Variants in SCN10A observed in about 807,000 individuals in gnomAD.
SCN10A encodes the protein sodium channel protein type 10 subunit alpha.
SCN10A carries 162 observed loss-of-function variants against 170.7 expected under a neutral mutation model. The observed-to-expected ratio is 0.95, with a 90% CI of 0.84 to 1.08. The LOEUF (loss-of-function observed/expected upper bound fraction) is 1.08. Ranked by LOEUF, SCN10A falls within the 50% of genes least tolerant of loss-of-function variation. SCN10A has a pLI of 0.00. For synonymous variants in SCN10A, 985 were observed against 904.6 expected, an observed-to-expected ratio of 1.09 and a Z score of -1.59; for missense variants, 2,527 against 2,436.9, an observed-to-expected ratio of 1.04 and a Z score of -0.78.
At chr3:38,815,262 T>A (rs1021343652) in intron 1 of SCN10A, among the ~76,000 whole-genome samples, 3 of 150,006 alleles carry the variant, frequency 2.0e-5, no homozygotes, top group African/African-American at 7.3e-5. Flanking sequence ...GGCTGAATAA[T>A]ACCCTTGGAT....
At position 38,793,896 on chromosome 3, in the gene SCN10A, C is replaced by T. The variant is rs570161889; in HGVS notation, c.115G>A (p.Glu39Lys). 1.5e-5 allele frequency: 24 copies of T among 1,614,102 alleles called. No individual in the cohort carries two copies. The highest frequency in any genetic ancestry group is 1.3e-4 in the South Asian group (12 of 91,080). Residue 39 changes from glutamate to lysine, a missense_variant, in exon 2 of 28, where the codon GAG becomes AAG. Coordinates refer to ENST00000449082, the MANE Select transcript of SCN10A (RefSeq NM_006514.4). ...AAKQGTKKAR[E>K]KHREQKDQEE... ...TGGTCCTTCTGCTCCCTATGCTTCT[C>T]TCTGGCTTTCTTTGTTCCCTGCTTG...
Position 38,697,775 on chromosome 3 carries a change from G to T in SCN10A, c.5445C>A (p.Ser1815=). 2 of 1,614,082 alleles carry T rather than the reference G, an allele frequency of 1.2e-6. No individual in the cohort carries two copies. Among genetic ancestry groups the T allele is most frequent in the Non-Finnish European group, 1.7e-6 (2 of 1,180,002 alleles). ...FAFTKNVLGE[S]GELDSLKANM... ...TTGCCTTCAGAGAATCCAACTCCCC[G>T]GATTCTCCTAGGACATTCTTGGTGA... The change falls in exon 28 of 28, where the codon TCC becomes TCA. Residue 1815 remains serine, a synonymous_variant. Transcript: ENST00000449082.
chr3:38,754,678 C>T (rs757647835), intron 11 of SCN10A, among the ~76,000 whole-genome samples: 1 of 152,148 alleles, frequency 6.6e-6, no homozygotes. Flanking sequence ...GAGGAGGGCA[C>T]AGATGCAGAT....
chr3:38,717,102 A>G lies in SCN10A; in HGVS notation c.3681+1551T>C, dbSNP rs190781749. On this transcript the variant is annotated intron_variant, in intron 21 of 27. Transcript: ENST00000449082. Reference sequence around the variant, plus strand: ...AGAATGAATCAAAAGATAGAAAGATATAAGGGTTAAGGATGATGAATAGAT... The same window carrying G: ...AGAATGAATCAAAAGATAGAAAGATGTAAGGGTTAAGGATGATGAATAGAT... 1.1e-4 allele frequency among the ~76,000 whole-genome samples: 17 copies of G among 152,336 alleles called. No individual in the cohort carries two copies. The East Asian group carries it at 1.3e-3, about 12-fold the overall frequency.
At chr3:38,747,586 T>G (rs925182529) in intron 13 of SCN10A, among the ~76,000 whole-genome samples, 2 of 152,178 alleles carry the variant, frequency 1.3e-5, no homozygotes, top group African/African-American at 2.4e-5. Flanking sequence ...AAGGTCACAC[T>G]GTGTACCATA....
intron 4 of SCN10A, among the ~76,000 whole-genome samples, chr3:38,779,181 G>A (rs2064109489): frequency 1.3e-5 from 2 of 152,084 alleles, no homozygotes; most frequent in South Asian, 4.1e-4. Context: ...CAAAATATGA[G>A]GATTATGTTA....
intron 13 of SCN10A, among the ~76,000 whole-genome samples, chr3:38,747,043 T>C (rs1468162172): frequency 1.3e-5 from 2 of 152,216 alleles, no homozygotes; most frequent in East Asian, 3.8e-4. Context: ...AGGTGTCTCA[T>C]GTGTGTAATG....
chr3:38,709,184 T>C (rs941766434), intron 25 of SCN10A, among the ~76,000 whole-genome samples: 5 of 152,174 alleles, frequency 3.3e-5, no homozygotes, highest in African/African-American at 1.2e-4. Context: ...CTTTCCCTGC[T>C]TGTATTCTCC....
chr3:38,742,673 C>A (rs1174573884), intron 13 of SCN10A, 144 bp from the exon 14 acceptor site: 1 of 696,468 alleles, frequency 1.4e-6, no homozygotes, highest in Admixed American at 2.1e-5. Flanking sequence ...CTCTGGTATT[C>A]ATTTCCTATA....
chr3:38,766,163 G>A (rs1412435388), intron 5 of SCN10A, among the ~76,000 whole-genome samples: 9 of 151,846 alleles, frequency 5.9e-5, no homozygotes, highest in African/African-American at 7.3e-5. Context: ...CTAGGCATAC[G>A]ATCATATCAT....
chr3:38,760,308 G>C (rs2063854313), intron 8 of SCN10A, among the ~76,000 whole-genome samples: 1 of 152,210 alleles, frequency 6.6e-6, no homozygotes. Flanking sequence ...TTGGGGGTGA[G>C]AGGCCACATG....
At chr3:38,809,421 C>T (rs1254930069) in intron 1 of SCN10A, among the ~76,000 whole-genome samples, 3 of 152,208 alleles carry the variant, frequency 2.0e-5, no homozygotes, top group Non-Finnish European at 4.4e-5. Flanking sequence ...CCTGGAAGTG[C>T]CAGCGGAGCT....
At chr3:38,737,867 C>G (rs1431883827) in intron 15 of SCN10A, among the ~76,000 whole-genome samples, 1 of 108,042 alleles carries the variant, frequency 9.3e-6, no homozygotes, top group African/African-American at 4.2e-5. Context: ...TTTTCTTTCT[C>G]TCTCCCTCTT....
intron 4 of SCN10A, among the ~76,000 whole-genome samples, chr3:38,779,837 A>AT (rs908421735): frequency 2.0e-5 from 3 of 148,598 alleles, no homozygotes; most frequent in African/African-American, 5.2e-5. Flanking sequence ...AAATTTGGTT[A>AT]TTTTTTTTAA....
At position 38,802,671 on chromosome 3, in the gene SCN10A, T is replaced by C. The variant is rs926833710; in HGVS notation, c.-32-8629A>G. On this transcript the variant is annotated intron_variant, in intron 1 of 27. Coordinates refer to ENST00000449082, the MANE Select transcript of SCN10A (RefSeq NM_006514.4). ...ATTCTAGATGGATTAAATACTTAAATGTTAGACCTAAAACCATAAAAATCC... is the reference window on the plus strand; with the variant it reads ...ATTCTAGATGGATTAAATACTTAAACGTTAGACCTAAAACCATAAAAATCC... Among the ~76,000 whole-genome samples, 4 of 152,190 alleles carry C rather than the reference T, an allele frequency of 2.6e-5. No individual in the cohort carries two copies. In the South Asian group the frequency reaches 6.2e-4, roughly 24 times the overall value.
chr3:38,741,950 C>T (rs1297213043), intron 14 of SCN10A, among the ~76,000 whole-genome samples: 1 of 152,144 alleles, frequency 6.6e-6, no homozygotes, highest in African/African-American at 2.4e-5. Context: ...GACATTTATC[C>T]TCATTTCAAG....
At chr3:38,788,136 C>A (rs2064231297) in intron 4 of SCN10A, among the ~76,000 whole-genome samples, 1 of 144,964 alleles carries the variant, frequency 6.9e-6, no homozygotes, top group Non-Finnish European at 1.5e-5. Flanking sequence ...ATTAAGAAGA[C>A]TATGTGATCC....
intron 13 of SCN10A, among the ~76,000 whole-genome samples, chr3:38,745,001 T>C (rs1002612139): frequency 2.0e-5 from 3 of 152,150 alleles, no homozygotes; most frequent in African/African-American, 7.2e-5. Context: ...CAACAATCCC[T>C]GTTTGGAACA....
At chr3:38,797,644 A>C (rs1288668775) in intron 1 of SCN10A, among the ~76,000 whole-genome samples, 1 of 152,224 alleles carries the variant, frequency 6.6e-6, no homozygotes, top group Non-Finnish European at 1.5e-5. Context: ...ACAAAGATTA[A>C]GTTAACTTTC....
Sources: allele counts gnomAD v4.1 joint callset (sites outside exome capture counted in the v4.1 genomes callset), GRCh38; gene constraint gnomAD v4.1.1; transcripts MANE v1.5; gene names NCBI Gene and HGNC (gene_info 2026-07-23, HGNC 2026-07-21).